Variants in OTUD7A observed in about 807,000 individuals in gnomAD.
OTUD7A encodes OTU deubiquitinase 7A.
In OTUD7A, 12 loss-of-function variants were observed where a neutral mutation model predicts 65.7. That is an observed-to-expected ratio of 0.18 (90% confidence interval 0.12 to 0.30). The LOEUF (loss-of-function observed/expected upper bound fraction) is 0.30, where lower values mean the gene tolerates loss of function less well. Among genes scored for constraint, OTUD7A ranks in the 10% least tolerant of loss-of-function variants. The pLI, the probability that OTUD7A is intolerant of heterozygous loss-of-function variation, is 1.00. For missense variants in OTUD7A, 1,148 were observed against 1,304.8 expected (o/e 0.88, Z 1.85); for synonymous variants, 641 against 586.3 (o/e 1.09, Z -1.35).
intron 1 of OTUD7A, among the ~76,000 whole-genome samples, chr15:31,868,479 G>A (rs1051347467): frequency 6.6e-6 from 1 of 152,196 alleles, no homozygotes; most frequent in Non-Finnish European, 1.5e-5. Context: ...TACTATTGAG[G>A]ACATGTTGTA....
chr15:31,503,913 C>A (rs1039280284), intron 8 of OTUD7A, 95 bp from the exon 9 acceptor site: 2 of 1,445,142 alleles, frequency 1.4e-6, no homozygotes, highest in African/African-American at 2.8e-5. Flanking sequence ...GAGCCCTCCC[C>A]ACTCTGGATA....
At chr15:31,549,119 G>A (rs1595601510) in intron 5 of OTUD7A, among the ~76,000 whole-genome samples, 1 of 142,992 alleles carries the variant, frequency 7.0e-6, no homozygotes. Context: ...CTGGGAGACA[G>A]AGCGAGGCCT....
rs1463482762 is a variant in OTUD7A, at chr15:31,480,852, C to T, written c.*2442G>A. The T allele has an allele frequency of 6.6e-6, 1 of 152,254 alleles. No homozygotes were observed. The highest frequency in any genetic ancestry group is 1.5e-5 in the Non-Finnish European group (1 of 68,052). The allele number at this position is 152,254 out of a possible 1,614,324, so 9.4% of individuals were successfully genotyped here. A position where few individuals can be genotyped will look rare whatever the true frequency, so the allele number is the denominator to read the frequency against. ...GCAGGTGTCTACAGGCGTCTGGCGCCTCGTTACCACATTGAGAAGCTGGGG... is the reference window on the plus strand; with the variant it reads ...GCAGGTGTCTACAGGCGTCTGGCGCTTCGTTACCACATTGAGAAGCTGGGG... On this transcript the variant is annotated 3_prime_UTR_variant, in exon 13 of 13. Transcript: ENST00000307050.
chr15:31,531,858 G>T (rs1053134365), intron 5 of OTUD7A, among the ~76,000 whole-genome samples: 1 of 152,180 alleles, frequency 6.6e-6, no homozygotes, highest in African/African-American at 2.4e-5. Flanking sequence ...AGGACACACA[G>T]GGAGCCTGAA....
intron 1 of OTUD7A, among the ~76,000 whole-genome samples, chr15:31,850,929 C>T (rs1897409676): frequency 6.6e-6 from 1 of 152,148 alleles, no homozygotes; most frequent in African/African-American, 2.4e-5. Flanking sequence ...AGAATAAGAG[C>T]CAACAGACAC....
chr15:31,804,897 CACA>C (rs2140952962), intron 1 of OTUD7A, among the ~76,000 whole-genome samples: 1 of 152,322 alleles, frequency 6.6e-6, no homozygotes, highest in Admixed American at 6.5e-5. Context: ...GAGAACTGTT[CACA>C]ACATGTGCAG....
At chr15:31,604,361 G>A (rs754178312) in intron 3 of OTUD7A, among the ~76,000 whole-genome samples, 4 of 151,922 alleles carry the variant, frequency 2.6e-5, no homozygotes, top group South Asian at 4.2e-4. Flanking sequence ...ACCAAACACC[G>A]CATTTTCTCA....
intron 1 of OTUD7A, among the ~76,000 whole-genome samples, chr15:31,775,562 G>A (rs1046752574): frequency 2.0e-5 from 3 of 152,178 alleles, no homozygotes; most frequent in African/African-American, 7.2e-5. Flanking sequence ...TTGTGCAAAA[G>A]CTTGAAGATC....
At chr15:31,496,043 G>A (rs1485923486) in intron 10 of OTUD7A, among the ~76,000 whole-genome samples, 2 of 146,482 alleles carry the variant, frequency 1.4e-5, no homozygotes, top group African/African-American at 2.6e-5. Context: ...TCCAGCCTGG[G>A]TGACAGAATG....
chr15:31,768,239 G>C, intron 1 of OTUD7A: 1 of 887,330 alleles, frequency 1.1e-6, no homozygotes, highest in Admixed American at 1.7e-5. Flanking sequence ...TGGCAGTGTA[G>C]GTGACACTCA....
intron 1 of OTUD7A, among the ~76,000 whole-genome samples, chr15:31,795,009 G>T (rs1895915922): frequency 6.6e-6 from 1 of 152,190 alleles, no homozygotes; most frequent in Non-Finnish European, 1.5e-5. Context: ...GATTACTGCG[G>T]CTATAAATCT....
chr15:31,546,039 G>A (rs1261707232), intron 5 of OTUD7A, among the ~76,000 whole-genome samples: 1 of 152,208 alleles, frequency 6.6e-6, no homozygotes, highest in African/African-American at 2.4e-5. Context: ...TGTAGGCATT[G>A]TGTTAGGTAT....
At chr15:31,828,701 A>G (rs1280300630) in intron 1 of OTUD7A, among the ~76,000 whole-genome samples, 3 of 152,158 alleles carry the variant, frequency 2.0e-5, no homozygotes, top group Non-Finnish European at 4.4e-5. Context: ...TTTTATCACC[A>G]ATCTGTACTT....
At chr15:31,622,515 G>C (rs1375006358) in intron 3 of OTUD7A, among the ~76,000 whole-genome samples, 1 of 151,948 alleles carries the variant, frequency 6.6e-6, no homozygotes, top group African/African-American at 2.4e-5. Context: ...TCATTCATTT[G>C]ATCTTCAATC....
intron 1 of OTUD7A, among the ~76,000 whole-genome samples, chr15:31,764,354 C>A (rs967119533): frequency 1.3e-5 from 2 of 151,930 alleles, no homozygotes; most frequent in African/African-American, 4.8e-5. Flanking sequence ...GGAACACTAT[C>A]ATTTTATAGA....
Position 31,483,123 on chromosome 15 carries a change from G to A in OTUD7A, c.*171C>T. On this transcript the variant is annotated 3_prime_UTR_variant, in exon 13 of 13. Coordinates refer to ENST00000307050, the MANE Select transcript of OTUD7A (RefSeq NM_001382637.1). ...TTCCTATCCGTCTACTACCTGAGTG[G>A]CGTCAGTGTAGGTTCAGGCACCATT... 5.9e-6 allele frequency: 3 copies of A among 511,730 alleles called. No individual in the cohort carries two copies. The highest frequency in any genetic ancestry group is 7.7e-6 in the Non-Finnish European group (3 of 390,030). The allele number at this position is 511,730 out of a possible 1,614,324, so 31.7% of individuals were successfully genotyped here. A position where few individuals can be genotyped will look rare whatever the true frequency, so the allele number is the denominator to read the frequency against.
At chr15:31,747,440 G>A (rs539823754) in intron 1 of OTUD7A, among the ~76,000 whole-genome samples, 137 of 152,300 alleles carry the variant, frequency 9.0e-4, no homozygotes, top group African/African-American at 3.2e-3. Flanking sequence ...AAAGGAAGGA[G>A]GTGTTGAGAG....
At chr15:31,508,478 T>G (rs1035439309) in intron 8 of OTUD7A, among the ~76,000 whole-genome samples, 1 of 152,224 alleles carries the variant, frequency 6.6e-6, no homozygotes, top group African/African-American at 2.4e-5. Context: ...GCCTCCCCAG[T>G]AGCTGGGACT....
chr15:31,496,405 G>A (rs1027479898), intron 10 of OTUD7A, among the ~76,000 whole-genome samples: 1 of 151,984 alleles, frequency 6.6e-6, no homozygotes, highest in Non-Finnish European at 1.5e-5. Context: ...GTATTTTTTA[G>A]TAGAGACGGG....
Sources: gnomAD v4.1 joint callset for allele counts (sites outside exome capture counted in the v4.1 genomes callset) on GRCh38, gnomAD v4.1.1 for gene constraint, MANE v1.5 for transcripts, NCBI Gene and HGNC (gene_info 2026-07-23, HGNC 2026-07-21) for gene names.